The following GALNT13 variants were observed in gnomAD, a reference collection of about 807,000 sequenced individuals.
The protein encoded by GALNT13 is UDP-GalNAc:polypeptide N-acetylgalactosaminyltransferase 13.
GALNT13 carries 28 observed loss-of-function variants against 64.2 expected under a neutral mutation model. That is an observed-to-expected ratio of 0.44 (90% CI 0.32 to 0.60). The LOEUF is 0.60. Ranked by LOEUF, GALNT13 falls within the 20% of genes least tolerant of loss-of-function variation. GALNT13 has a pLI of 0.05. For missense variants in GALNT13, 577 were observed against 669.8 expected (o/e 0.86, Z 1.53); for synonymous variants, 214 against 224.6 (o/e 0.95, Z 0.42).
At chr2:154,007,209 G>A (rs1299627682) in intron 3 of GALNT13, among the ~76,000 whole-genome samples, 1 of 152,306 alleles carries the variant, frequency 6.6e-6, no homozygotes, top group East Asian at 1.9e-4. Context: ...TTTAGACTTT[G>A]TGAGCAGCTG....
chr2:153,088,346 T>G, the GALNT13 span, among the ~76,000 whole-genome samples: 1 of 152,160 alleles, frequency 6.6e-6, no homozygotes, highest in Non-Finnish European at 1.5e-5. Context: ...TAATTTAGAT[T>G]TTCTTAAGTT....
chr2:153,976,304 G>T (rs1694074877), intron 3 of GALNT13, among the ~76,000 whole-genome samples: 1 of 152,058 alleles, frequency 6.6e-6, no homozygotes, highest in Admixed American at 6.6e-5. Context: ...GTAACTAAAT[G>T]TGGTTTCTGT....
chr2:153,734,884 T>C, the GALNT13 span, among the ~76,000 whole-genome samples: 1 of 152,172 alleles, frequency 6.6e-6, no homozygotes, highest in Non-Finnish European at 1.5e-5. Context: ...ATACCAGCTT[T>C]TGCATTTTGG....
intron 4 of GALNT13, among the ~76,000 whole-genome samples, chr2:154,142,930 G>C (rs1023620889): frequency 6.6e-6 from 1 of 151,838 alleles, no homozygotes; most frequent in Non-Finnish European, 1.5e-5. Flanking sequence ...AACAGTCTTC[G>C]AAGCAATTTT....
chr2:154,368,951 G>C (rs1220517381), intron 9 of GALNT13, among the ~76,000 whole-genome samples: 3 of 151,968 alleles, frequency 2.0e-5, no homozygotes, highest in South Asian at 4.2e-4. Flanking sequence ...GTACCATTGT[G>C]TTCCGGAATT....
At chr2:154,429,375 C>G (rs1700610743) in intron 11 of GALNT13, among the ~76,000 whole-genome samples, 1 of 152,094 alleles carries the variant, frequency 6.6e-6, no homozygotes, top group African/African-American at 2.4e-5. Flanking sequence ...CAGCCTTATT[C>G]CGTATATAGA....
At chr2:153,684,494 A>G in the GALNT13 span, among the ~76,000 whole-genome samples, 1 of 151,750 alleles carries the variant, frequency 6.6e-6, no homozygotes, top group Non-Finnish European at 1.5e-5. Context: ...AGGGAGGTCC[A>G]TTAAGCATTT....
At chr2:153,605,016 C>T in the GALNT13 span, among the ~76,000 whole-genome samples, 1 of 151,970 alleles carries the variant, frequency 6.6e-6, no homozygotes, top group African/African-American at 2.4e-5. Context: ...CAAGCCAGGA[C>T]CAAAATTCGT....
chr2:153,562,042 TTCTCTC>T, the GALNT13 span, among the ~76,000 whole-genome samples: 1 of 112,736 alleles, frequency 8.9e-6, no homozygotes, highest in Admixed American at 9.2e-5. Context: ...CTCTCTCTCT[TTCTCTC>T]TCTCTCTCTC....
chr2:153,611,140 C>CT, the GALNT13 span, among the ~76,000 whole-genome samples: 1 of 152,042 alleles, frequency 6.6e-6, no homozygotes, highest in Non-Finnish European at 1.5e-5. Flanking sequence ...AGTTAACTCT[C>CT]TAAGTTGTAG....
the GALNT13 span, among the ~76,000 whole-genome samples, chr2:153,286,486 A>G: frequency 6.6e-6 from 1 of 152,166 alleles, no homozygotes; most frequent in African/African-American, 2.4e-5. Context: ...CATTTAGAAT[A>G]TAAGATTAGT....
chr2:154,097,880 A>G (rs1287074117), intron 3 of GALNT13, among the ~76,000 whole-genome samples: 3 of 152,048 alleles, frequency 2.0e-5, no homozygotes, highest in Non-Finnish European at 4.4e-5. Flanking sequence ...CAGTTTCTTT[A>G]CCATGTGTAA....
chr2:153,532,364 A>G, the GALNT13 span, among the ~76,000 whole-genome samples: 2 of 152,106 alleles, frequency 1.3e-5, no homozygotes, highest in Non-Finnish European at 2.9e-5. Flanking sequence ...GGATGCAGGA[A>G]GCTGTGTCCC....
the GALNT13 span, among the ~76,000 whole-genome samples, chr2:153,866,205 A>T: frequency 7.6e-6 from 1 of 132,350 alleles, no homozygotes; most frequent in Non-Finnish European, 1.6e-5. Flanking sequence ...AGATATACCT[A>T]ATGCTAGATG....
the GALNT13 span, among the ~76,000 whole-genome samples, chr2:153,845,878 A>AG: frequency 6.6e-6 from 1 of 152,206 alleles, no homozygotes; most frequent in African/African-American, 2.4e-5. Context: ...ATTATTTTCA[A>AG]AAAAAGAATA....
chr2:153,344,205 A>G, the GALNT13 span, among the ~76,000 whole-genome samples: 22,959 of 152,218 alleles, frequency 0.15, 1,819 homozygotes, highest in Non-Finnish European at 0.17. Flanking sequence ...TCATTAGAGT[A>G]TAGATACATA....
At chr2:153,980,430 G>A (rs1286765535) in intron 3 of GALNT13, among the ~76,000 whole-genome samples, 1 of 152,106 alleles carries the variant, frequency 6.6e-6, no homozygotes, top group Non-Finnish European at 1.5e-5. Flanking sequence ...CCTAAATAAA[G>A]TTAGTGAAAA....
chr2:154,293,419 G>A (rs902601166), intron 8 of GALNT13, among the ~76,000 whole-genome samples: 1 of 152,076 alleles, frequency 6.6e-6, no homozygotes, highest in Non-Finnish European at 1.5e-5. Flanking sequence ...TTTTTAAAAA[G>A]CAAGAATCAG....
chr2:154,404,803 G>T (rs979693008), intron 10 of GALNT13, among the ~76,000 whole-genome samples: 2 of 151,956 alleles, frequency 1.3e-5, no homozygotes, highest in African/African-American at 4.8e-5. Flanking sequence ...AGGTAAATGG[G>T]GTCAGGAGGT....
Sources: allele counts gnomAD v4.1 joint callset (sites outside exome capture counted in the v4.1 genomes callset), GRCh38; gene constraint gnomAD v4.1.1; transcripts MANE v1.5; gene names NCBI Gene and HGNC (gene_info 2026-07-23, HGNC 2026-07-21).